Variants in GCH1 observed in about 807,000 individuals in gnomAD.
The protein encoded by GCH1 is GTP cyclohydrolase I.
Under a neutral mutation model 25.9 loss-of-function variants are expected in GCH1, and 5 were observed. That is an observed-to-expected ratio of 0.19 (90% CI 0.10 to 0.41). The LOEUF (loss-of-function observed/expected upper bound fraction) is 0.41, where lower values mean the gene tolerates loss of function less well. GCH1 is among the 10% of genes least tolerant of loss of function. GCH1 has a pLI of 1.00. For synonymous variants in GCH1, 159 were observed against 129.6 expected, an observed-to-expected ratio of 1.23 and a Z score of -1.54; for missense variants, 261 against 336.5, an observed-to-expected ratio of 0.78 and a Z score of 1.75.
At chr14:54,880,294 A>G (rs2040227256) in intron 1 of GCH1, among the ~76,000 whole-genome samples, 1 of 148,076 alleles carries the variant, frequency 6.8e-6, no homozygotes, top group Non-Finnish European at 1.5e-5. Context: ...TCAAAACCCA[A>G]TGTATTTTGA....
At chr14:54,847,203 CA>C in intron 3 of GCH1, 73 bp from the exon 4 acceptor site, 1 of 639,456 alleles carries the variant, frequency 1.6e-6, no homozygotes, top group Non-Finnish European at 2.8e-6. Context: ...CCTCATAAAA[CA>C]AAAAGGACAT....
At chr14:54,887,084 A>G (rs2040363157) in intron 1 of GCH1, among the ~76,000 whole-genome samples, 1 of 152,260 alleles carries the variant, frequency 6.6e-6, no homozygotes, top group Non-Finnish European at 1.5e-5. Context: ...GGGAAAATTC[A>G]GAAATGTAAT....
At chr14:54,865,034 A>C (rs2039971129) in intron 2 of GCH1, among the ~76,000 whole-genome samples, 1 of 72,444 alleles carries the variant, frequency 1.4e-5, no homozygotes, top group South Asian at 5.7e-4. Flanking sequence ...CAGAGCCTGT[A>C]GTAGCTACAA....
At position 54,902,748 on chromosome 14, in the gene GCH1, A is replaced by G; in HGVS notation, c.-85T>C. Reference sequence around the variant, plus strand: ...TAAACTCCGCCGGTGGCCGCGGACAATGGGCTGTGGCCGGAGTCACCTGAG... The same window carrying G: ...TAAACTCCGCCGGTGGCCGCGGACAGTGGGCTGTGGCCGGAGTCACCTGAG... On this transcript the variant is annotated 5_prime_UTR_variant, in exon 1 of 6. Coordinates refer to ENST00000491895, the MANE Select transcript of GCH1 (RefSeq NM_000161.3). 7.3e-7 allele frequency: 1 copy of G among 1,374,480 alleles called. No individual in the cohort carries two copies. Among genetic ancestry groups the G allele is most frequent in the Non-Finnish European group, 9.4e-7 (1 of 1,068,308 alleles). 85.1% of individuals were successfully genotyped at this position (1,374,480 alleles called of 1,614,324 possible).
chr14:54,880,518 CATAT>C lies in GCH1; in HGVS notation c.344-15086_344-15083del, dbSNP rs200255096. The stretch of plus-strand genomic sequence containing the variant: ...ATATACTCCATATATATATATACTC[CATAT>C]ATATATATATACTCCATATATATAT... On this transcript the variant is annotated intron_variant, in intron 1 of 5. Coordinates refer to ENST00000491895, the MANE Select transcript of GCH1 (RefSeq NM_000161.3). Among the ~76,000 whole-genome samples, 174 of 29,006 alleles carry C rather than the reference CATAT, an allele frequency of 6.0e-3. 24 individuals carry two copies. Among genetic ancestry groups the C allele is most frequent in the African/African-American group, 0.018 (74 of 4,132 alleles). The allele number at this position is 29,006 out of a possible 152,430, so 19.0% of individuals were successfully genotyped here.
At chr14:54,877,512 G>C (rs1012036771) in intron 1 of GCH1, among the ~76,000 whole-genome samples, 3 of 151,036 alleles carry the variant, frequency 2.0e-5, no homozygotes, top group East Asian at 1.9e-4. Flanking sequence ...TTTTTCTCTC[G>C]AGACAGGGTC....
At chr14:54,895,554 G>A (rs553516321) in intron 1 of GCH1, among the ~76,000 whole-genome samples, 1 of 152,256 alleles carries the variant, frequency 6.6e-6, no homozygotes, top group African/African-American at 2.4e-5. Context: ...TGAAGATCAA[G>A]GCCCTCAGAG....
chr14:54,891,556 C>T (rs1041374511), intron 1 of GCH1, among the ~76,000 whole-genome samples: 1 of 152,004 alleles, frequency 6.6e-6, no homozygotes, highest in Non-Finnish European at 1.5e-5. Context: ...ATTACAGGCA[C>T]ATGCCACTAT....
At chr14:54,899,415 G>C (rs563649184) in intron 1 of GCH1, among the ~76,000 whole-genome samples, 1 of 152,070 alleles carries the variant, frequency 6.6e-6, no homozygotes, top group African/African-American at 2.4e-5. Context: ...CCGAGATTGC[G>C]CCACTGCACT....
intron 1 of GCH1, among the ~76,000 whole-genome samples, chr14:54,875,562 G>A (rs1465878081): frequency 2.0e-5 from 3 of 152,124 alleles, no homozygotes; most frequent in African/African-American, 4.8e-5. Flanking sequence ...GAAAATTTTT[G>A]CAATCTACTC....
intron 1 of GCH1, among the ~76,000 whole-genome samples, chr14:54,883,531 T>C (rs571052595): frequency 1.3e-4 from 19 of 151,822 alleles, no homozygotes; most frequent in African/African-American, 3.6e-4. Context: ...TACAAAAAAT[T>C]AGCTGGGCGT....
At chr14:54,898,267 A>G (rs1446701235) in intron 1 of GCH1, among the ~76,000 whole-genome samples, 1 of 152,226 alleles carries the variant, frequency 6.6e-6, no homozygotes, top group Non-Finnish European at 1.5e-5. Flanking sequence ...AACATAGAAA[A>G]GGTACAGTAA....
intron 3 of GCH1, among the ~76,000 whole-genome samples, chr14:54,850,649 A>G (rs1351489034): frequency 6.6e-6 from 1 of 152,028 alleles, no homozygotes; most frequent in Non-Finnish European, 1.5e-5. Context: ...TCCCCACGAC[A>G]GGCCCCGGTG....
chr14:54,902,679 G>C lies in GCH1; in HGVS notation c.-16C>G. 2.1e-6 allele frequency: 3 copies of C among 1,437,198 alleles called. No homozygotes were observed. The highest frequency in any genetic ancestry group is 2.7e-6 in the Non-Finnish European group (3 of 1,101,690). 89.0% of individuals were successfully genotyped at this position (1,437,198 alleles called of 1,614,324 possible). A position where few individuals can be genotyped will look rare whatever the true frequency, so the allele number is the denominator to read the frequency against. On this transcript the variant is annotated 5_prime_UTR_variant, in exon 1 of 6. Transcript: ENST00000491895. ...CCTTCTCCATGGACCCGCCGCAGCC[G>C]CTGCCGTTCGGGAAGGACCCCGGGG...
intron 2 of GCH1, among the ~76,000 whole-genome samples, chr14:54,861,575 T>C (rs2140067014): frequency 6.6e-6 from 1 of 151,958 alleles, no homozygotes; most frequent in Admixed American, 6.6e-5. Context: ...ATACAAAAAT[T>C]AGCCAGGCGT....
intron 4 of GCH1, among the ~76,000 whole-genome samples, chr14:54,846,815 C>A (rs945424341): frequency 2.0e-5 from 3 of 152,168 alleles, no homozygotes; most frequent in African/African-American, 7.2e-5. Flanking sequence ...AATCCCAGCA[C>A]TTTGGGAGGC....
rs748081442 is a variant in GCH1 at position 54,842,913 on chromosome 14, G to A, written c.*1104C>T. 6.2e-5 allele frequency: 38 copies of A among 610,658 alleles called. No homozygotes were observed. The highest frequency in any genetic ancestry group is 3.7e-4 in the South Asian group (16 of 43,076). 37.8% of individuals were successfully genotyped at this position (610,658 alleles called of 1,614,324 possible). ...ACCCACATAGACCACAAAGGAAACCGGGACCAGAAGCTTCCAGTGCATTTT... is the reference window on the plus strand; with the variant it reads ...ACCCACATAGACCACAAAGGAAACCAGGACCAGAAGCTTCCAGTGCATTTT... On this transcript the variant is annotated 3_prime_UTR_variant, in exon 6 of 6. Coordinates refer to ENST00000491895, the MANE Select transcript of GCH1 (RefSeq NM_000161.3).
At chr14:54,884,509 C>T (rs1005730817) in intron 1 of GCH1, among the ~76,000 whole-genome samples, 2 of 152,256 alleles carry the variant, frequency 1.3e-5, no homozygotes, top group African/African-American at 4.8e-5. Flanking sequence ...GTGGCTCACG[C>T]CTATAATCCC....
At chr14:54,879,301 G>A (rs986646452) in intron 1 of GCH1, among the ~76,000 whole-genome samples, 1 of 151,646 alleles carries the variant, frequency 6.6e-6, no homozygotes, top group African/African-American at 2.4e-5. Flanking sequence ...TGCACCCGTA[G>A]TCCCAGCTAC....
Sources: gnomAD v4.1 joint callset for allele counts (sites outside exome capture counted in the v4.1 genomes callset) on GRCh38, gnomAD v4.1.1 for gene constraint, MANE v1.5 for transcripts, NCBI Gene and HGNC (gene_info 2026-07-23, HGNC 2026-07-21) for gene names.